The following ZNF227 variants were observed in gnomAD, a reference collection of about 807,000 sequenced individuals.
ZNF227 encodes zinc finger protein 227.
Under a neutral mutation model 13.2 loss-of-function variants are expected in ZNF227, and 12 were observed. The observed-to-expected ratio is 0.91, with a 90% CI of 0.58 to 1.47. The LOEUF (loss-of-function observed/expected upper bound fraction) is 1.47, where lower values mean the gene tolerates loss of function less well. ZNF227 is among the 40% of genes most tolerant of loss of function. ZNF227 has a pLI of 0.00. For missense variants in ZNF227, 885 were observed against 967.5 expected (o/e 0.91, Z 1.13); for synonymous variants, 338 against 326.0 (o/e 1.04, Z -0.40).
At chr19:44,221,859 A>T (rs1400414225) in intron 3 of ZNF227, among the ~76,000 whole-genome samples, 58 of 152,218 alleles carry the variant, frequency 3.8e-4, no homozygotes, top group Non-Finnish European at 6.9e-4. Context: ...CTGAATGGTA[A>T]TGCCTAGGTT....
At chr19:44,219,051 C>G (rs1326262076) in intron 3 of ZNF227, among the ~76,000 whole-genome samples, 1 of 152,178 alleles carries the variant, frequency 6.6e-6, no homozygotes, top group Non-Finnish European at 1.5e-5. Flanking sequence ...GCACGCCTGG[C>G]TAATTTTGTA....
intron 3 of ZNF227, among the ~76,000 whole-genome samples, chr19:44,225,554 C>T (rs181211209): frequency 0.012 from 1,891 of 152,222 alleles, 81 homozygotes; most frequent in Admixed American, 0.078. Flanking sequence ...TCCAGTTGAT[C>T]GCATCGGCTC....
In ZNF227 at chr19:44,229,765, C is replaced by T. The variant is rs1328592723; in HGVS notation, c.220C>T (p.Gln74Ter). Residue 74 changes from glutamine (Q) to a stop codon, truncating the protein, a stop_gained, in exon 5 of 6, where the codon CAA becomes TAA. Transcript: ENST00000313040. LOFTEE classifies it high-confidence loss of function. ...HLPFQPDMVS[Q>*]LEAEEKLWMM... ...TCCCTTCCAACCAGATATGGTATCCCAATTGGAAGCAGAAGAAAAGCTTTG... is the reference window on the plus strand; with the variant it reads ...TCCCTTCCAACCAGATATGGTATCCTAATTGGAAGCAGAAGAAAAGCTTTG... 6.3e-7 allele frequency: 1 copy of T among 1,589,678 alleles called. No homozygotes were observed. The highest frequency in any genetic ancestry group is 1.7e-5 in the Admixed American group (1 of 59,284).
chr19:44,208,778 C>T (rs1272967308), upstream of ZNF227, among the ~76,000 whole-genome samples: 1 of 152,092 alleles, frequency 6.6e-6, no homozygotes, highest in Non-Finnish European at 1.5e-5. Flanking sequence ...AAGTCTTTTT[C>T]TATCAGGTTT....
chr19:44,235,106 T>C lies in ZNF227; in HGVS notation c.676T>C (p.Cys226Arg). 1 of 1,614,010 alleles carries C rather than the reference T, an allele frequency of 6.2e-7. No homozygotes were observed. ...TAAAACTGACACAGAACCAAAACCC[T>C]GCAAAGGTAATGAATATGGCAAAAT... Reference protein sequence around the residue: ...HIKTDTEPKPCKGNEYGKIIS... With the variant: ...HIKTDTEPKPRKGNEYGKIIS... Residue 226 changes from cysteine to arginine, a missense_variant, in exon 6 of 6, where the codon TGC (cysteine) becomes CGC (arginine). By Grantham distance (180) the Cys-to-Arg change is radical. Coordinates refer to ENST00000313040, the MANE Select transcript of ZNF227 (RefSeq NM_182490.3).
At position 44,235,819 on chromosome 19, in the gene ZNF227, A is replaced by G; in HGVS notation, c.1389A>G (p.Pro463=). 1 of 1,614,006 alleles carries G rather than the reference A, an allele frequency of 6.2e-7. No homozygotes were observed. Among genetic ancestry groups the G allele is most frequent in the African/African-American group, 1.3e-5 (1 of 74,992 alleles). Residue 463 remains proline, a synonymous_variant, in exon 6 of 6, where the codon CCA becomes CCG. Transcript: ENST00000313040. ...CHRRVHTGEK[P]YKCEACGKGF... Reference sequence around the variant, plus strand: ...GGAGAGTCCACACAGGAGAGAAGCCATACAAGTGTGAGGCGTGTGGGAAAG... The same window carrying G: ...GGAGAGTCCACACAGGAGAGAAGCCGTACAAGTGTGAGGCGTGTGGGAAAG...
intron 3 of ZNF227, among the ~76,000 whole-genome samples, chr19:44,226,128 T>C (rs1054122280): frequency 6.6e-6 from 1 of 152,182 alleles, no homozygotes; most frequent in Admixed American, 6.5e-5. Context: ...TGCTGCCTGA[T>C]TGTTCCTCTG....
chr19:44,211,888 GT>G (rs199745948), upstream of ZNF227, among the ~76,000 whole-genome samples: 1,022 of 125,362 alleles, frequency 8.2e-3, 13 homozygotes, highest in African/African-American at 0.025. Context: ...TCTTATAATA[GT>G]TTTTTTTTTC....
chr19:44,236,593 TGGTAA>T lies in ZNF227; in HGVS notation c.2166_2170del (p.Lys723LeufsTer21). 6.2e-7 allele frequency: 1 copy of T among 1,614,092 alleles called. No homozygotes were observed. Among genetic ancestry groups the T allele is most frequent in the Non-Finnish European group, 8.5e-7 (1 of 1,180,020 alleles). On this transcript the variant is annotated frameshift_variant, in exon 6 of 6. Coordinates refer to ENST00000313040, the MANE Select transcript of ZNF227 (RefSeq NM_182490.3). LOFTEE classifies it low-confidence loss of function (END_TRUNC). The stretch of plus-strand genomic sequence containing the variant: ...AGAAACCCCATATATGTGAGGAGTG[TGGTAA>T]GGCCTTCAGTCTCCCCTCAAATCTT...
Position 44,236,377 on chromosome 19 carries a change from C to T in ZNF227, c.1947C>T (p.Ser649=). The T allele has an allele frequency of 6.2e-7, 1 of 1,613,968 alleles. No individual in the cohort carries two copies. The highest frequency in any genetic ancestry group is 8.5e-7 in the Non-Finnish European group (1 of 1,180,004). ...TCAGTCAGTCCTCTGGTCTTCAATC[C>T]CATCAGAGAGTCCACACGGGGGAAA... The part of the protein sequence containing the change: ...KGFSQSSGLQ[S]HQRVHTGEKP... Residue 649 remains serine, a synonymous_variant, in exon 6 of 6, where the codon TCC becomes TCT. Transcript: ENST00000313040.
upstream of ZNF227, among the ~76,000 whole-genome samples, chr19:44,211,127 G>A (rs570457160): frequency 7.9e-5 from 12 of 151,802 alleles, no homozygotes; most frequent in African/African-American, 2.9e-4. Context: ...TGAACCTTGT[G>A]TGAGGGCGGA....
rs1568619189 is a variant in ZNF227, at chr19:44,235,846, CT to C, written c.1419del (p.Phe473LeufsTer96). ...ACAAGTGTGAGGCGTGTGGGAAAGG[CT>C]TTACCCGTAATACAGATCTGCATAT... ...PYKCEACGKG[F>X]TRNTDLHIHF... On this transcript the variant is annotated frameshift_variant, in exon 6 of 6. Transcript: ENST00000313040. LOFTEE classifies it low-confidence loss of function (END_TRUNC). 1 of 1,613,978 alleles carries C rather than the reference CT, an allele frequency of 6.2e-7. No individual in the cohort carries two copies. The highest frequency in any genetic ancestry group is 8.5e-7 in the Non-Finnish European group (1 of 1,179,994).
chr19:44,223,462 G>C (rs919669099), intron 3 of ZNF227, among the ~76,000 whole-genome samples: 2 of 152,182 alleles, frequency 1.3e-5, no homozygotes, highest in African/African-American at 4.8e-5. Flanking sequence ...GGTCTATTCA[G>C]AGATTCAACT....
At chr19:44,216,686 G>GT (rs11450936) in intron 2 of ZNF227, among the ~76,000 whole-genome samples, 113,350 of 151,942 alleles carry the variant, frequency 0.75, 43,062 homozygotes, top group African/African-American at 0.9. Flanking sequence ...TTTCGTTTGT[G>GT]CTTTATCTTT....
rs1973433471 is a variant in ZNF227, at chr19:44,228,516, A to G, written c.131A>G (p.Gln44Arg). 6.2e-7 allele frequency: 1 copy of G among 1,613,770 alleles called. No individual in the cohort carries two copies. The highest frequency in any genetic ancestry group is 8.5e-7 in the Non-Finnish European group (1 of 1,179,906). ...REELRLLDLT[Q>R]RKLYRDVMVE... is the part of the protein sequence containing the mutation. ...GAACTGCGACTGCTCGATCTTACCC[A>G]GAGGAAGCTGTACCGAGATGTCATG... The change falls in exon 4 of 6, where the codon CAG (glutamine) becomes CGG (arginine). Residue 44 changes from glutamine (Q) to arginine (R), a missense_variant. By Grantham distance (43) the Gln-to-Arg change is conservative. Coordinates refer to ENST00000313040, the MANE Select transcript of ZNF227 (RefSeq NM_182490.3).
At position 44,236,934 on chromosome 19, in the gene ZNF227, G is replaced by A; in HGVS notation, c.*104G>A. ...TGTAAAACTACTGAGAGTGGAAGGG[G>A]GTTTGTTCACACTTGGAATCTTTCT... On this transcript the variant is annotated 3_prime_UTR_variant, in exon 6 of 6. Transcript: ENST00000313040. The A allele has an allele frequency of 2.3e-6, 2 of 883,950 alleles. No individual in the cohort carries two copies. Among genetic ancestry groups the A allele is most frequent in the Non-Finnish European group, 1.7e-6 (1 of 593,496 alleles). The allele number at this position is 883,950 out of a possible 1,614,324, so 54.8% of individuals were successfully genotyped here. A position where few individuals can be genotyped will look rare whatever the true frequency, so the allele number is the denominator to read the frequency against.
chr19:44,210,291 C>A (rs539009355), upstream of ZNF227, among the ~76,000 whole-genome samples: 5 of 152,098 alleles, frequency 3.3e-5, no homozygotes, highest in Non-Finnish European at 7.3e-5. Context: ...CTGTGTTTAT[C>A]CCCTGAGGTT....
intron 3 of ZNF227, among the ~76,000 whole-genome samples, chr19:44,226,328 A>G (rs1266458014): frequency 6.6e-6 from 1 of 152,208 alleles, no homozygotes; most frequent in Non-Finnish European, 1.5e-5. Context: ...GGGACATTTA[A>G]GTCTGCAGAG....
intron 5 of ZNF227, among the ~76,000 whole-genome samples, chr19:44,233,292 C>A (rs185691005): frequency 5.1e-4 from 78 of 151,926 alleles, no homozygotes; most frequent in African/African-American, 1.7e-3. Flanking sequence ...GTATATTTAC[C>A]AACTAAAACA....
Sources: allele counts gnomAD v4.1 joint callset (sites outside exome capture counted in the v4.1 genomes callset), GRCh38; gene constraint gnomAD v4.1.1; transcripts MANE v1.5; gene names NCBI Gene and HGNC (gene_info 2026-07-23, HGNC 2026-07-21).